Variants in LRRC4C observed in about 807,000 individuals in gnomAD.
The protein encoded by LRRC4C is leucine rich repeat containing 4C, also known as leucine-rich repeat-containing protein 4C.
A neutral mutation model predicts 33.6 loss-of-function variants in LRRC4C; 5 were observed. The ratio of observed to expected loss-of-function variants is 0.15; its 90% CI spans 0.08 to 0.31. The LOEUF (loss-of-function observed/expected upper bound fraction) is 0.31. Among genes scored for constraint, LRRC4C ranks in the 10% least tolerant of loss-of-function variants. The pLI, the probability that LRRC4C is intolerant of heterozygous loss-of-function variation, is 1.00. For missense variants in LRRC4C, 560 were observed against 796.7 expected (o/e 0.70, Z 3.58); for synonymous variants, 329 against 302.0 (o/e 1.09, Z -0.93).
chr11:41,070,193 G>A (rs182698041), intron 1 of LRRC4C, among the ~76,000 whole-genome samples: 1 of 152,144 alleles, frequency 6.6e-6, no homozygotes, highest in Non-Finnish European at 1.5e-5. Context: ...AATAAATGGT[G>A]CTGAGAAAAC....
chr11:40,183,720 T>C (rs1355527293), intron 5 of LRRC4C, among the ~76,000 whole-genome samples: 2 of 152,236 alleles, frequency 1.3e-5, no homozygotes, highest in East Asian at 3.8e-4. Context: ...TTTGAAGTGC[T>C]TGCATTTTGA....
chr11:40,940,849 T>G (rs547656133), intron 1 of LRRC4C, among the ~76,000 whole-genome samples: 1 of 152,042 alleles, frequency 6.6e-6, no homozygotes, highest in African/African-American at 2.4e-5. Flanking sequence ...TTATTTTACT[T>G]ACTTAATTCT....
intron 3 of LRRC4C, among the ~76,000 whole-genome samples, chr11:40,462,522 G>A (rs1490692625): frequency 6.6e-6 from 1 of 152,002 alleles, no homozygotes; most frequent in East Asian, 1.9e-4. Flanking sequence ...TTAGAGGCCA[G>A]GCATAATGCT....
chr11:40,396,090 T>C (rs1590600120), intron 3 of LRRC4C, among the ~76,000 whole-genome samples: 1 of 152,138 alleles, frequency 6.6e-6, no homozygotes, highest in Non-Finnish European at 1.5e-5. Context: ...ATGCCATGTT[T>C]TTATGGAAGC....
intron 3 of LRRC4C, among the ~76,000 whole-genome samples, chr11:40,622,454 T>G (rs1410833256): frequency 1.3e-5 from 2 of 151,794 alleles, no homozygotes; most frequent in Non-Finnish European, 2.9e-5. Context: ...CCTGCATGTC[T>G]AGAACAATTA....
chr11:40,353,084 T>C (rs1190104812), intron 3 of LRRC4C, among the ~76,000 whole-genome samples: 1 of 152,212 alleles, frequency 6.6e-6, no homozygotes, highest in African/African-American at 2.4e-5. Context: ...TTCTTGGTGC[T>C]CTATAATGTT....
chr11:41,086,120 A>C (rs1376175051), intron 1 of LRRC4C, among the ~76,000 whole-genome samples: 1 of 152,100 alleles, frequency 6.6e-6, no homozygotes, highest in Non-Finnish European at 1.5e-5. Flanking sequence ...ACAGTAAAAC[A>C]CAATTTTAAA....
intron 1 of LRRC4C, among the ~76,000 whole-genome samples, chr11:41,164,897 C>A (rs1944649845): frequency 6.6e-6 from 1 of 152,116 alleles, no homozygotes; most frequent in African/African-American, 2.4e-5. Context: ...TGGATAGAAT[C>A]CAGGGCTCGT....
chr11:40,904,370 CAAAT>C (rs1956331889), intron 2 of LRRC4C, among the ~76,000 whole-genome samples: 1 of 151,994 alleles, frequency 6.6e-6, no homozygotes. Flanking sequence ...TTATACATAG[CAAAT>C]AAATAAATAG....
At chr11:40,160,312 T>A (rs1210822017) in intron 5 of LRRC4C, among the ~76,000 whole-genome samples, 1 of 152,090 alleles carries the variant, frequency 6.6e-6, no homozygotes. Flanking sequence ...CAACTGTCAG[T>A]GGGTTGTGAC....
intron 5 of LRRC4C, among the ~76,000 whole-genome samples, chr11:40,184,464 A>G (rs900538421): frequency 3.3e-5 from 5 of 152,196 alleles, no homozygotes; most frequent in Non-Finnish European, 2.9e-5. Flanking sequence ...GAAGAAAACA[A>G]GGGAATAATC....
Position 40,163,427 on chromosome 11 carries a change from G to T in LRRC4C, c.-95-22574C>A, listed in dbSNP as rs191510163. ...AACTCTCCCTTACAGGAATCACCGG[G>T]TTGCAAAATATCTAGACTATGAAGA... On this transcript the variant is annotated intron_variant, in intron 5 of 6. Transcript: ENST00000528697. Among the ~76,000 whole-genome samples the T allele has an allele frequency of 4.4e-3, 666 of 152,228 alleles. 2 individuals carry two copies. The highest frequency in any genetic ancestry group is 9.7e-3 in the South Asian group (47 of 4,824).
At chr11:40,382,427 C>A (rs1948918521) in intron 3 of LRRC4C, among the ~76,000 whole-genome samples, 1 of 151,332 alleles carries the variant, frequency 6.6e-6, no homozygotes, top group Non-Finnish European at 1.5e-5. Flanking sequence ...CAACTAAATA[C>A]GTTTGGAGAT....
chr11:40,731,963 T>G (rs1947606517), intron 2 of LRRC4C, among the ~76,000 whole-genome samples: 1 of 152,166 alleles, frequency 6.6e-6, no homozygotes. Context: ...CATGGACCTT[T>G]TTTGAAAAGT....
Position 41,266,082 on chromosome 11 carries a change from T to C in LRRC4C, c.-496+193349A>G, listed in dbSNP as rs939584691. ...TATAACCTAAACAAATAATACTATG[T>C]TAATTGGAGAGAGTTTGCTCAGTTT... On this transcript the variant is annotated intron_variant, in intron 1 of 6. Coordinates refer to ENST00000528697, the MANE Select transcript of LRRC4C (RefSeq NM_001258419.2). 2.0e-5 allele frequency among the ~76,000 whole-genome samples: 3 copies of C among 152,016 alleles called. 1 individual carries two copies. The highest frequency in any genetic ancestry group is 1.9e-4 in the East Asian group (1 of 5,182).
intron 2 of LRRC4C, among the ~76,000 whole-genome samples, chr11:40,909,845 T>G (rs757425639): frequency 6.6e-6 from 1 of 152,192 alleles, no homozygotes; most frequent in African/African-American, 2.4e-5. Context: ...GTTAATGCTT[T>G]GCCTAAATTC....
At chr11:41,027,877 A>G (rs1565314681) in intron 1 of LRRC4C, among the ~76,000 whole-genome samples, 2 of 151,688 alleles carry the variant, frequency 1.3e-5, no homozygotes. Context: ...TCATGTTGCT[A>G]TCTCATTCAA....
At chr11:41,075,027 T>TATTTTTTTTTTTTA (rs1555064841) in intron 1 of LRRC4C, among the ~76,000 whole-genome samples, 98 of 102,912 alleles carry the variant, frequency 9.5e-4, no homozygotes, top group Non-Finnish European at 1.1e-3. Flanking sequence ...TTTTTTTTTT[T>TATTTTTTTTTTTTA]TTTTTTTTTA....
chr11:40,972,649 C>T (rs558850790), intron 1 of LRRC4C, among the ~76,000 whole-genome samples: 5 of 152,188 alleles, frequency 3.3e-5, no homozygotes, highest in East Asian at 1.9e-4. Context: ...CTTCACAAGG[C>T]GGTGGTAGAG....
Sources: allele counts gnomAD v4.1 joint callset (sites outside exome capture counted in the v4.1 genomes callset), GRCh38; gene constraint gnomAD v4.1.1; transcripts MANE v1.5; gene names NCBI Gene and HGNC (gene_info 2026-07-23, HGNC 2026-07-21).